CCDC198: variants seen among roughly 807,000 people sequenced by gnomAD.
CCDC198 encodes the protein factor associated with metabolism and energy.
A neutral mutation model predicts 35.6 loss-of-function variants in CCDC198; 18 were observed. That is an observed-to-expected ratio of 0.51 (90% CI 0.35 to 0.75). CCDC198 has a LOEUF of 0.75. CCDC198 is among the 30% of genes least tolerant of loss of function. The probability of loss-of-function intolerance (pLI) is 0.01; values close to 1 mark genes in which losing one functional copy is unlikely to be tolerated. For synonymous variants in CCDC198, 119 were observed against 113.4 expected (o/e 1.05, Z -0.31); for missense variants, 365 against 343.7 (o/e 1.06, Z -0.49).
chr14:57,478,657 C>A, intron 5 of CCDC198: 5 of 993,388 alleles, frequency 5.0e-6, no homozygotes, highest in Non-Finnish European at 4.8e-6. Context: ...AGGTTTTTTT[C>A]TTGGTTGTTT....
intron 5 of CCDC198, among the ~76,000 whole-genome samples, chr14:57,476,361 T>C (rs2066996422): frequency 6.6e-6 from 1 of 152,196 alleles, no homozygotes; most frequent in African/African-American, 2.4e-5. Context: ...CCTGCCTTCA[T>C]GGAGCTTCCA....
intron 2 of CCDC198, among the ~76,000 whole-genome samples, chr14:57,485,016 A>C (rs2067309976): frequency 6.6e-6 from 1 of 152,192 alleles, no homozygotes; most frequent in East Asian, 1.9e-4. Flanking sequence ...AGTAGAGTCC[A>C]CAGTACAATG....
chr14:57,476,675 A>G (rs1388223574), intron 5 of CCDC198, among the ~76,000 whole-genome samples: 1 of 152,244 alleles, frequency 6.6e-6, no homozygotes, highest in Non-Finnish European at 1.5e-5. Flanking sequence ...ATCTCACAAG[A>G]GAGCCACAAC....
chr14:57,493,341 C>T (rs1230521454), intron 1 of CCDC198, 152 bp downstream of exon 1: 4 of 661,928 alleles, frequency 6.0e-6, no homozygotes, highest in Non-Finnish European at 1.0e-5. Context: ...GTTCAATCCT[C>T]ATTGAAAGAT....
Position 57,491,085 on chromosome 14 carries a change from G to C in CCDC198, c.224-14C>G, listed in dbSNP as rs1440715090. On this transcript the variant is annotated splice_polypyrimidine_tract_variant and intron_variant, in intron 1 of 5. Coordinates refer to ENST00000216445, the MANE Select transcript of CCDC198 (RefSeq NM_018168.4). Reference sequence around the variant, plus strand: ...TGTCTCTGGATGCTTGAAGGATTGGGGAAGAAACAGGAATAAAACATTAAA... The same window carrying C: ...TGTCTCTGGATGCTTGAAGGATTGGCGAAGAAACAGGAATAAAACATTAAA... 4 of 1,605,464 alleles carry C rather than the reference G, an allele frequency of 2.5e-6. No individual in the cohort carries two copies. The African/African-American group carries it at 4.0e-5, about 16-fold the overall frequency.
Position 57,471,452 on chromosome 14 carries a change from G to A in CCDC198, c.794C>T (p.Ser265Leu). Residue 265 changes from serine to leucine, a missense_variant, in exon 6 of 6, where the codon TCA (serine) becomes TTA (leucine). Transcript: ENST00000216445. ...CTTCTCATCTTTCCCCTGCTCATCT[G>A]AGTCAGAGCTGGAACTGTCCCAGAG... The part of the protein sequence containing the change: ...QLLWDSSSSD[S>L]DEQGKDEKKP... 6.2e-7 allele frequency: 1 copy of A among 1,613,926 alleles called. No homozygotes were observed. The highest frequency in any genetic ancestry group is 1.3e-5 in the African/African-American group (1 of 74,960).
At chr14:57,475,780 C>G (rs1175814693) in intron 5 of CCDC198, 1 of 244,680 alleles carries the variant, frequency 4.1e-6, no homozygotes, top group Non-Finnish European at 7.6e-6. Context: ...TTGTACGGCA[C>G]TTAGCTTCTT....
intron 5 of CCDC198, among the ~76,000 whole-genome samples, chr14:57,477,359 G>C (rs10144566): frequency 2.7e-3 from 414 of 152,258 alleles, no homozygotes; most frequent in African/African-American, 9.4e-3. Context: ...CAAGTGAGTT[G>C]ATGCAGACAT....
rs2139446878 is a variant in CCDC198, at chr14:57,469,504, T to A, written c.*1851A>T. ...GCCTTTGGCTCCACTAATTTTAGTG[T>A]TCAAAGTTATCCATCCCATTTTTTG... On this transcript the variant is annotated 3_prime_UTR_variant, in exon 6 of 6. Coordinates refer to ENST00000216445, the MANE Select transcript of CCDC198 (RefSeq NM_018168.4). 1 of 152,338 alleles carries A rather than the reference T, an allele frequency of 6.6e-6. No homozygotes were observed. Among genetic ancestry groups the A allele is most frequent in the South Asian group, 2.1e-4 (1 of 4,828 alleles). The allele number at this position is 152,338 out of a possible 1,614,324, so 9.4% of individuals were successfully genotyped here.
intron 2 of CCDC198, among the ~76,000 whole-genome samples, chr14:57,488,917 T>C (rs2067462765): frequency 1.3e-5 from 2 of 152,158 alleles, no homozygotes; most frequent in South Asian, 2.1e-4. Flanking sequence ...GCTTTTACAC[T>C]GTTAGTGGGA....
intron 5 of CCDC198, among the ~76,000 whole-genome samples, chr14:57,479,895 A>C (rs547863494): frequency 6.6e-6 from 1 of 152,276 alleles, no homozygotes; most frequent in East Asian, 1.9e-4. Flanking sequence ...AGTAAGACCT[A>C]ATGGGAGGGG....
At chr14:57,486,250 T>C (rs2067353668) in intron 2 of CCDC198, among the ~76,000 whole-genome samples, 1 of 152,220 alleles carries the variant, frequency 6.6e-6, no homozygotes, top group South Asian at 2.1e-4. Context: ...CTGCACGCCA[T>C]GCCCAGGGTT....
At position 57,470,158 on chromosome 14, in the gene CCDC198, A is replaced by G. The variant is rs780407638; in HGVS notation, c.*1197T>C. The G allele has an allele frequency of 2.0e-5, 3 of 152,176 alleles. No homozygotes were observed. 9.4% of individuals were successfully genotyped at this position (152,176 alleles called of 1,614,324 possible). ...GTCTTAATTTTGAACTTTAATTCAC[A>G]ACGATCTTCTACACGTGACATTATC... On this transcript the variant is annotated 3_prime_UTR_variant, in exon 6 of 6. Coordinates refer to ENST00000216445, the MANE Select transcript of CCDC198 (RefSeq NM_018168.4).
intron 1 of CCDC198, among the ~76,000 whole-genome samples, chr14:57,492,334 T>C (rs2067598744): frequency 6.6e-6 from 1 of 152,084 alleles, no homozygotes; most frequent in South Asian, 2.1e-4. Context: ...TCACCATTTA[T>C]TCAGTTACCT....
At chr14:57,484,877 A>C (rs1313767632) in intron 2 of CCDC198, among the ~76,000 whole-genome samples, 1 of 152,168 alleles carries the variant, frequency 6.6e-6, no homozygotes, top group Non-Finnish European at 1.5e-5. Context: ...CTAGGAAGGA[A>C]TAATTATGGA....
At chr14:57,480,870 T>C in intron 4 of CCDC198, 116 bp from the exon 5 acceptor site, 1 of 971,802 alleles carries the variant, frequency 1.0e-6, no homozygotes, top group East Asian at 2.4e-5. Flanking sequence ...TCTGCAGTCC[T>C]CTAACCAGAA....
intron 5 of CCDC198, among the ~76,000 whole-genome samples, chr14:57,475,927 C>A (rs2042056684): frequency 6.7e-6 from 1 of 150,136 alleles, no homozygotes; most frequent in Non-Finnish European, 1.5e-5. Flanking sequence ...TCAGCCTCCC[C>A]AGTAGTTGGG....
At chr14:57,473,943 T>C (rs1368591579) in intron 5 of CCDC198, among the ~76,000 whole-genome samples, 1 of 152,140 alleles carries the variant, frequency 6.6e-6, no homozygotes. Context: ...CTGTGGTTGA[T>C]TACCATTTTC....
chr14:57,478,300 G>T, intron 5 of CCDC198: 2 of 219,198 alleles, frequency 9.1e-6, no homozygotes, highest in Non-Finnish European at 1.5e-5. Context: ...TCCTGGTGGG[G>T]CTGTGTGAGA....
Sources: gnomAD v4.1 joint callset for allele counts (sites outside exome capture counted in the v4.1 genomes callset) on GRCh38, gnomAD v4.1.1 for gene constraint, MANE v1.5 for transcripts, NCBI Gene and HGNC (gene_info 2026-07-23, HGNC 2026-07-21) for gene names.